RPL3: variants seen among roughly 807,000 people sequenced by gnomAD.
The protein encoded by RPL3 is ribosomal protein L3.
A neutral mutation model predicts 46.0 loss-of-function variants in RPL3; 3 were observed. That is an observed-to-expected ratio of 0.07 (90% CI 0.03 to 0.17). The LOEUF (loss-of-function observed/expected upper bound fraction) is 0.17. Ranked by LOEUF, RPL3 falls within the 10% of genes least tolerant of loss-of-function variation. The probability of loss-of-function intolerance (pLI) is 1.00; values close to 1 mark genes in which losing one functional copy is unlikely to be tolerated. For synonymous variants in RPL3, 224 were observed against 190.8 expected, an observed-to-expected ratio of 1.17 and a Z score of -1.43; for missense variants, 387 against 532.7, an observed-to-expected ratio of 0.73 and a Z score of 2.69.
rs932614109 is a variant in RPL3 at position 39,318,068 on chromosome 22, A to C, written c.196+332T>G. 1.1e-5 allele frequency: 4 copies of C among 366,468 alleles called. No individual in the cohort carries two copies. In the East Asian group the frequency reaches 2.4e-4, roughly 22 times the overall value. The allele number at this position is 366,468 out of a possible 1,614,324, so 22.7% of individuals were successfully genotyped here. A position where few individuals can be genotyped will look rare whatever the true frequency, so the allele number is the denominator to read the frequency against. Reference sequence around the variant, plus strand: ...ATTATTCAAGCTTTCAGGTGAAAAAAACATGAATGAGGCAGTTCTTATGCC... The same window carrying C: ...ATTATTCAAGCTTTCAGGTGAAAAACACATGAATGAGGCAGTTCTTATGCC... On this transcript the variant is annotated intron_variant, in intron 2 of 9. Transcript: ENST00000216146.
At chr22:39,315,669 C>G in intron 4 of RPL3, 114 bp from the exon 5 acceptor site, 1 of 1,265,456 alleles carries the variant, frequency 7.9e-7, no homozygotes, top group Non-Finnish European at 1.1e-6. Context: ...AAGCCAGTAA[C>G]TCTGAACAAG....
At chr22:39,316,931 G>A (rs12484030) in intron 3 of RPL3, 90 bp from the exon 4 acceptor site, 162,435 of 1,596,244 alleles carry the variant, frequency 0.1, 8,767 homozygotes, top group Middle Eastern at 0.25. Context: ...CTGGCACCGC[G>A]TGGGGATGGA....
intron 2 of RPL3, 107 bp downstream of exon 2, chr22:39,318,293 C>A (rs1922830942): frequency 8.4e-7 from 1 of 1,185,424 alleles, no homozygotes; most frequent in Admixed American, 2.8e-5. Context: ...CGTGTAACTC[C>A]TGCTTAAAAA....
At chr22:39,318,902 T>C (rs946892540) in intron 1 of RPL3, 54 of 467,176 alleles carry the variant, frequency 1.2e-4, no homozygotes, top group African/African-American at 8.5e-4. Context: ...GGCAGCTTTA[T>C]ATGCCAATTA....
At chr22:39,315,258 G>C (rs1239018439) in intron 5 of RPL3, 111 bp downstream of exon 5, 3 of 1,410,784 alleles carry the variant, frequency 2.1e-6, no homozygotes, top group Non-Finnish European at 3.0e-6. Context: ...TACACTGTCC[G>C]ATTCGGGCGC....
intron 1 of RPL3, chr22:39,319,341 G>A (rs1159685420): frequency 1.2e-5 from 7 of 601,088 alleles, no homozygotes; most frequent in East Asian, 2.8e-5. Context: ...CTTTAAAAAC[G>A]CCGGGCCTCC....
chr22:39,314,920 A>T, intron 5 of RPL3, 74 bp from the exon 6 acceptor site: 1 of 1,563,172 alleles, frequency 6.4e-7, no homozygotes. Flanking sequence ...CTCAGCAATT[A>T]CCAACCATGG....
At chr22:39,317,426 T>G in intron 3 of RPL3, 35 bp downstream of exon 3, 2 of 1,598,576 alleles carry the variant, frequency 1.3e-6, no homozygotes, top group Non-Finnish European at 1.7e-6. Context: ...GCTCCCAAGC[T>G]CCCAAGCTAG....
In RPL3 at chr22:39,314,097, C is replaced by T. The variant is rs755050323; in HGVS notation, c.951+10G>A. 12 of 1,609,512 alleles carry T rather than the reference C, an allele frequency of 7.5e-6. No individual in the cohort carries two copies. Among genetic ancestry groups the T allele is most frequent in the Non-Finnish European group, 1.0e-5 (12 of 1,176,844 alleles). On this transcript the variant is annotated intron_variant, in intron 7 of 9. Transcript: ENST00000216146. Reference sequence around the variant, plus strand: ...GGATGGCCTCACAGAGCAGAACACCCATTACTTACCAGAGGGTTGATGCTC... The same window carrying T: ...GGATGGCCTCACAGAGCAGAACACCTATTACTTACCAGAGGGTTGATGCTC...
chr22:39,315,550 G>T lies in RPL3; in HGVS notation c.507C>A (p.Arg169=). Residue 169 remains arginine (R), a synonymous_variant, in exon 5 of 10, where the codon CGC becomes CGA. Transcript: ENST00000216146. ...CCTTCTTCTGGCGCAGAGGAAGCAG[G>T]CGCATCTAGGAGAAGGTAGACACAG... ...VIRVIAHTQM[R]LLPLRQKKAH... 1 of 1,614,016 alleles carries T rather than the reference G, an allele frequency of 6.2e-7. No homozygotes were observed.
rs370411296 is a variant in RPL3 at position 39,317,694 on chromosome 22, G to C, written c.197-65C>G. 164 of 1,581,678 alleles carry C rather than the reference G, an allele frequency of 1.0e-4. No homozygotes were observed. The East Asian group carries it at 2.9e-3, about 28-fold the overall frequency. ...AAGCAAGGGGTGTAATGTTTTCTAGGAAAATGCAAAGTGCCCATTTAGGCC... is the reference window on the plus strand; with the variant it reads ...AAGCAAGGGGTGTAATGTTTTCTAGCAAAATGCAAAGTGCCCATTTAGGCC... On this transcript the variant is annotated intron_variant, in intron 2 of 9. Coordinates refer to ENST00000216146, the MANE Select transcript of RPL3 (RefSeq NM_000967.4).
At position 39,318,423 on chromosome 22, in the gene RPL3, C is replaced by T. The variant is rs1922839717; in HGVS notation, c.173G>A (p.Arg58Gln). ...GYKAGMTHIVREVDRPGSKVN... is the reference protein window; with the variant it reads ...GYKAGMTHIVQEVDRPGSKVN... ...ACTGGATCCCGGCCTGTCGACTTCC[C>T]GCACGATGTGAGTCATGCCAGCCTT... The change falls in exon 2 of 10, where the codon CGG (arginine) becomes CAG (glutamine). Residue 58 changes from arginine to glutamine, a missense_variant. By Grantham distance (43) the Arg-to-Gln change is conservative. Coordinates refer to ENST00000216146, the MANE Select transcript of RPL3 (RefSeq NM_000967.4). 1.2e-6 allele frequency: 2 copies of T among 1,613,986 alleles called. No homozygotes were observed. The highest frequency in any genetic ancestry group is 8.5e-7 in the Non-Finnish European group (1 of 1,179,956).
chr22:39,313,038 G>A lies in RPL3; in HGVS notation c.1168-54C>T. The A allele has an allele frequency of 1.3e-5, 21 of 1,612,278 alleles. No individual in the cohort carries two copies. The South Asian group carries it at 2.1e-4, about 16-fold the overall frequency. ...TAGAAGATGACAGGTGACAGCAGAT[G>A]CCCACTCTAGAGGAGACCAAGACTC... On this transcript the variant is annotated intron_variant, in intron 9 of 9. Transcript: ENST00000216146.
chr22:39,316,908 A>G (rs1388627722), intron 3 of RPL3, 67 bp from the exon 4 acceptor site: 2 of 1,611,236 alleles, frequency 1.2e-6, no homozygotes, highest in South Asian at 2.2e-5. Flanking sequence ...CCGAGGGGTG[A>G]GCGGAAGGCA....
chr22:39,319,257 G>A (rs5757613), intron 1 of RPL3: 195,952 of 499,204 alleles, frequency 0.39, 42,480 homozygotes, highest in East Asian at 0.88. Flanking sequence ...CTTCTACCCA[G>A]ACAAGCAGGT....
Position 39,315,482 on chromosome 22 carries a change from T to C in RPL3, c.575A>G (p.Glu192Gly), listed in dbSNP as rs1922627497. The C allele has an allele frequency of 2.5e-6, 4 of 1,613,998 alleles. No homozygotes were observed. The highest frequency in any genetic ancestry group is 3.4e-6 in the Non-Finnish European group (4 of 1,180,040). Residue 192 changes from glutamate to glycine, a missense_variant, in exon 5 of 10, where the codon GAG (glutamate) becomes GGG (glycine). Physicochemically the swap from Glu to Gly is moderately conservative, Grantham distance 98 (BLOSUM62 -2). Around this residue, in one of 5 missense-constraint regions of RPL3, gnomAD observed 48 missense variants for 80.7 expected, o/e 0.60. Transcript: ENST00000216146. ...CCTCTCGCGGGCCCAGTCCAGCTTC[T>C]CGGCCACAGTGCCTCCGTTCACCTG... ...EIQVNGGTVA[E>G]KLDWARERLE...
In RPL3 at chr22:39,314,675, C is replaced by T. The variant is rs1965458173; in HGVS notation, c.849+11G>A. ...CTTCCCACCCCCAGGGAGCCACTCT[C>T]AGAACCTCACCTTCTTGTTGATCTC... On this transcript the variant is annotated intron_variant, in intron 6 of 9. Coordinates refer to ENST00000216146, the MANE Select transcript of RPL3 (RefSeq NM_000967.4). The T allele has an allele frequency of 1.6e-5, 25 of 1,608,028 alleles. No individual in the cohort carries two copies. Among genetic ancestry groups the T allele is most frequent in the Non-Finnish European group, 2.0e-5 (24 of 1,176,564 alleles).
chr22:39,318,948 G>A, intron 1 of RPL3: 1 of 519,928 alleles, frequency 1.9e-6, no homozygotes, highest in Non-Finnish European at 3.9e-6. Context: ...GGACTCCCGG[G>A]ACAAACGCTG....
chr22:39,316,680 A>C, intron 4 of RPL3, 26 bp downstream of exon 4: 2 of 1,611,970 alleles, frequency 1.2e-6, no homozygotes, highest in East Asian at 4.5e-5. Flanking sequence ...GTGGCAGGCC[A>C]AGCCACCCCG....
Sources: allele counts gnomAD v4.1 joint callset, GRCh38; gene constraint gnomAD v4.1.1; regional missense constraint gnomAD v4.1.1; transcripts MANE v1.5; gene names NCBI Gene and HGNC (gene_info 2026-07-23, HGNC 2026-07-21).